IGDCC3: variants seen among roughly 807,000 people sequenced by gnomAD.
IGDCC3 encodes the protein putative neuronal cell adhesion molecule.
In IGDCC3, 47 loss-of-function variants were observed where a neutral mutation model predicts 72.0. The observed-to-expected ratio is 0.65, with a 90% CI of 0.52 to 0.83. IGDCC3 has a LOEUF of 0.83. Among genes scored for constraint, IGDCC3 ranks in the 40% least tolerant of loss-of-function variants. The pLI, the probability that IGDCC3 is intolerant of heterozygous loss-of-function variation, is 0.00. For synonymous variants in IGDCC3, 477 were observed against 472.8 expected, an observed-to-expected ratio of 1.01 and a Z score of -0.11; for missense variants, 1,038 against 1,091.3, an observed-to-expected ratio of 0.95 and a Z score of 0.69.
chr15:65,344,455 A>T (rs2091109192), intron 2 of IGDCC3, among the ~76,000 whole-genome samples: 1 of 152,148 alleles, frequency 6.6e-6, no homozygotes, highest in African/African-American at 2.4e-5. Flanking sequence ...TTTGTCTTTC[A>T]AGTCAGCAGC....
At chr15:65,331,306 G>T (rs1024717583) in intron 8 of IGDCC3, 92 bp from the exon 9 acceptor site, 1 of 1,566,396 alleles carries the variant, frequency 6.4e-7, no homozygotes, top group Non-Finnish European at 8.7e-7. Context: ...TGCCCGGGGG[G>T]ACAGCGGGGA....
intron 2 of IGDCC3, among the ~76,000 whole-genome samples, chr15:65,347,652 C>T (rs62015000): frequency 0.24 from 37,104 of 152,088 alleles, 5,041 homozygotes; most frequent in East Asian, 0.48. Context: ...GGTGGCAGGC[C>T]GGGAGTGGTG....
intron 9 of IGDCC3, 49 bp from the exon 10 acceptor site, chr15:65,330,790 A>ATCTC: frequency 6.9e-7 from 1 of 1,451,688 alleles, no homozygotes; most frequent in Non-Finnish European, 9.4e-7. Flanking sequence ...TGGAAGCTCT[A>ATCTC]TCTTTCTACC....
At position 65,355,691 on chromosome 15, in the gene IGDCC3, T is replaced by C. The variant is rs905918703; in HGVS notation, c.409+19406A>G. 2.9e-5 allele frequency: 11 copies of C among 384,840 alleles called. No individual in the cohort carries two copies. In the Admixed American group the frequency reaches 3.3e-4, roughly 12 times the overall value. The allele number at this position is 384,840 out of a possible 1,614,324, so 23.8% of individuals were successfully genotyped here. A position where few individuals can be genotyped will look rare whatever the true frequency, so the allele number is the denominator to read the frequency against. Reference sequence around the variant, plus strand: ...CCGCCCCTCCCGCATAGCAATAGTGTCCGCGCTGAATGGCGCTGGCTAATT... The same window carrying C: ...CCGCCCCTCCCGCATAGCAATAGTGCCCGCGCTGAATGGCGCTGGCTAATT... On this transcript the variant is annotated intron_variant, in intron 2 of 13. Coordinates refer to ENST00000327987, the MANE Select transcript of IGDCC3 (RefSeq NM_004884.4).
At chr15:65,355,796 C>T in intron 2 of IGDCC3, 1 of 453,358 alleles carries the variant, frequency 2.2e-6, no homozygotes, top group South Asian at 1.6e-5. Flanking sequence ...CAGCCATTGT[C>T]CTCGCACGCC....
rs2091139065 is a variant in IGDCC3 at position 65,347,935 on chromosome 15, T to TC, written c.410-11980dup. 6.6e-5 allele frequency among the ~76,000 whole-genome samples: 9 copies of TC among 137,360 alleles called. 1 individual carries two copies. In the South Asian group the frequency reaches 8.8e-4, roughly 13 times the overall value. The allele number at this position is 137,360 out of a possible 152,430, so 90.1% of individuals were successfully genotyped here. ...TGGGCAACAAGAGCGAAATTTCATC[T>TC]CAAACAACAACAACAACAACAACAA... On this transcript the variant is annotated intron_variant, in intron 2 of 13. Transcript: ENST00000327987.
chr15:65,374,997 G>T (rs2091349276), intron 2 of IGDCC3, 100 bp downstream of exon 2: 2 of 1,026,330 alleles, frequency 1.9e-6, no homozygotes, highest in African/African-American at 1.6e-5. Context: ...CCTCCAGAAG[G>T]CTGCATAAGA....
At chr15:65,355,041 A>G (rs1401591323) in intron 2 of IGDCC3, among the ~76,000 whole-genome samples, 3 of 152,136 alleles carry the variant, frequency 2.0e-5, no homozygotes. Flanking sequence ...GGGAATCCGG[A>G]CCAGGGCAGA....
rs772337057 is a variant in IGDCC3 at position 65,329,426 on chromosome 15, C to CG, written c.2168dup (p.Ala724GlyfsTer22). 18 of 1,602,898 alleles carry CG rather than the reference C, an allele frequency of 1.1e-5. No homozygotes were observed. Among genetic ancestry groups the CG allele is most frequent in the Non-Finnish European group, 1.3e-5 (15 of 1,176,136 alleles). ...GGTCCGGCTGCCCTGCTGCGCTGGC[C>CG]GGGGGGAACAGCTGCTCCAGCTCCT... On this transcript the variant is annotated frameshift_variant, in exon 13 of 14. Coordinates refer to ENST00000327987, the MANE Select transcript of IGDCC3 (RefSeq NM_004884.4). LOFTEE classifies it low-confidence loss of function (END_TRUNC). The surrounding 1 kb of genome is among the most constrained non-coding windows in gnomAD (Gnocchi z 4.1).
intron 2 of IGDCC3, among the ~76,000 whole-genome samples, chr15:65,349,446 T>A (rs1303839581): frequency 6.6e-6 from 1 of 152,236 alleles, no homozygotes; most frequent in African/African-American, 2.4e-5. Flanking sequence ...AAAAAAAATC[T>A]GTATCTCCTT....
At chr15:65,347,810 A>C (rs2091137621) in intron 2 of IGDCC3, among the ~76,000 whole-genome samples, 1 of 152,124 alleles carries the variant, frequency 6.6e-6, no homozygotes, top group African/African-American at 2.4e-5. Flanking sequence ...GTGTGCCTGT[A>C]ATCCCAGCCA....
chr15:65,366,944 A>G (rs1026983551), intron 2 of IGDCC3, among the ~76,000 whole-genome samples: 4 of 152,242 alleles, frequency 2.6e-5, no homozygotes, highest in Admixed American at 1.3e-4. Context: ...CAGGGAGAGC[A>G]AGCTCAGAAA....
rs1020777142 is a variant in IGDCC3, at chr15:65,337,469, G to A, written c.410-1513C>T. On this transcript the variant is annotated intron_variant, in intron 2 of 13. Transcript: ENST00000327987. ...GGTAATCAATCACACACATCCCCAC[G>A]TAGGTACAGCCCTTATAAACAGTAC... Among the ~76,000 whole-genome samples the A allele has an allele frequency of 3.9e-5, 6 of 152,134 alleles. No individual in the cohort carries two copies. The East Asian group carries it at 9.6e-4, about 24-fold the overall frequency.
At chr15:65,332,740 G>C (rs555864215) in intron 6 of IGDCC3, among the ~76,000 whole-genome samples, 1 of 152,362 alleles carries the variant, frequency 6.6e-6, no homozygotes, top group East Asian at 1.9e-4. Flanking sequence ...CATGGGGACA[G>C]TTAAACCCCA....
At chr15:65,367,163 G>A (rs548985996) in intron 2 of IGDCC3, among the ~76,000 whole-genome samples, 1 of 152,066 alleles carries the variant, frequency 6.6e-6, no homozygotes, top group Non-Finnish European at 1.5e-5. Context: ...GGCCAACATG[G>A]TGAAACCCCG....
At position 65,339,608 on chromosome 15, in the gene IGDCC3, T is replaced by C. The variant is rs1470189040; in HGVS notation, c.410-3652A>G. 2.0e-5 allele frequency among the ~76,000 whole-genome samples: 3 copies of C among 151,754 alleles called. No individual in the cohort carries two copies. Among genetic ancestry groups the C allele is most frequent in the Non-Finnish European group, 4.4e-5 (3 of 67,928 alleles). On this transcript the variant is annotated intron_variant, in intron 2 of 13. Coordinates refer to ENST00000327987, the MANE Select transcript of IGDCC3 (RefSeq NM_004884.4). This position sits in a 1 kb window ranked among gnomAD's most constrained non-coding sequence, Gnocchi z 4.1. ...TCATTATGTCTCTCTAGGGAGAGGG[T>C]CCCTGAGCAAACATGAGGAAGTGGG...
At chr15:65,346,681 A>C (rs2091127640) in intron 2 of IGDCC3, among the ~76,000 whole-genome samples, 1 of 149,698 alleles carries the variant, frequency 6.7e-6, no homozygotes, top group African/African-American at 2.5e-5. Context: ...CTGGTCTTGA[A>C]CTCCTGACCT....
intron 2 of IGDCC3, chr15:65,356,028 C>G (rs2091217819): frequency 3.7e-6 from 1 of 268,956 alleles, no homozygotes; most frequent in Non-Finnish European, 7.7e-6. Context: ...TCCCTCCCTC[C>G]GGGCCCCTCC....
Position 65,329,160 on chromosome 15 carries a change from G to C in IGDCC3, c.2206-12C>G, listed in dbSNP as rs183487691. 1.4e-4 allele frequency: 221 copies of C among 1,598,782 alleles called. 1 individual carries two copies. The African/African-American group carries it at 2.4e-3, about 17-fold the overall frequency. On this transcript the variant is annotated splice_polypyrimidine_tract_variant and intron_variant, in intron 13 of 13. Transcript: ENST00000327987. The surrounding 1 kb of genome is among the most constrained non-coding windows in gnomAD (Gnocchi z 4.1). ...GCTGCAGGATCCTGCTGGGGAAAGA[G>C]CCCGTCACACAGGCGTCAGCTTGAG...
Sources: gnomAD v4.1 joint callset for allele counts (sites outside exome capture counted in the v4.1 genomes callset) on GRCh38, gnomAD v4.1.1 for gene constraint, Gnocchi (gnomAD v3.1) non-coding constraint, MANE v1.5 for transcripts, NCBI Gene and HGNC (gene_info 2026-07-23, HGNC 2026-07-21) for gene names.